NDFIP1: variants seen among roughly 807,000 people sequenced by gnomAD.
The protein encoded by NDFIP1 is NEDD4 family-interacting protein 1.
Under a neutral mutation model 28.8 loss-of-function variants are expected in NDFIP1, and 7 were observed. The observed-to-expected ratio is 0.24, with a 90% CI of 0.14 to 0.46. The LOEUF (loss-of-function observed/expected upper bound fraction) is 0.46, where lower values mean the gene tolerates loss of function less well. Among genes scored for constraint, NDFIP1 ranks in the 20% least tolerant of loss-of-function variants. The pLI, the probability that NDFIP1 is intolerant of heterozygous loss-of-function variation, is 0.99. For missense variants in NDFIP1, 194 were observed against 269.1 expected, an observed-to-expected ratio of 0.72 and a Z score of 1.95; for synonymous variants, 92 against 101.0, an observed-to-expected ratio of 0.91 and a Z score of 0.53.
intron 3 of NDFIP1, among the ~76,000 whole-genome samples, 160 bp downstream of exon 3, chr5:142,132,502 C>T (rs1024196327): frequency 2.6e-5 from 4 of 152,158 alleles, no homozygotes; most frequent in African/African-American, 2.4e-5. Context: ...AAACTCATCT[C>T]TTCTTAAAAA....
Position 142,139,503 on chromosome 5 carries a change from A to T in NDFIP1, c.496-1060A>T, listed in dbSNP as rs115995230. Among the ~76,000 whole-genome samples, 331 of 152,314 alleles carry T rather than the reference A, an allele frequency of 2.2e-3. 1 individual carries two copies. The highest frequency in any genetic ancestry group is 7.7e-3 in the African/African-American group (319 of 41,572). On this transcript the variant is annotated intron_variant, in intron 5 of 7. Transcript: ENST00000253814. ...TCACGTATCAGTATTACATTGAAAC[A>T]CGACAGTGCTCAAGAGAAGAAAAAG...
intron 1 of NDFIP1, 82 bp downstream of exon 1, chr5:142,109,119 G>T (rs1756984351): frequency 1.1e-5 from 13 of 1,184,472 alleles, no homozygotes; most frequent in Middle Eastern, 3.1e-4. Context: ...TCTCTGGCCG[G>T]CCCGCGGCCA....
chr5:142,126,777 T>C (rs1289325260), intron 1 of NDFIP1, among the ~76,000 whole-genome samples: 1 of 152,146 alleles, frequency 6.6e-6, no homozygotes, highest in African/African-American at 2.4e-5. Flanking sequence ...TAGAACTGCT[T>C]AGTGAGGAGG....
intron 4 of NDFIP1, 79 bp downstream of exon 4, chr5:142,135,896 A>G (rs1757270435): frequency 3.0e-6 from 3 of 1,001,196 alleles, no homozygotes; most frequent in Non-Finnish European, 3.1e-6. Context: ...CTGAATTAAA[A>G]TAACTAGTTG....
chr5:142,110,501 G>A (rs1354971634), intron 1 of NDFIP1, among the ~76,000 whole-genome samples: 3 of 152,084 alleles, frequency 2.0e-5, no homozygotes, highest in African/African-American at 7.2e-5. Flanking sequence ...GAGCTATTAG[G>A]TAATGCTGAC....
chr5:142,117,987 G>A (rs1265665245), intron 1 of NDFIP1, among the ~76,000 whole-genome samples: 2 of 151,718 alleles, frequency 1.3e-5, no homozygotes, highest in African/African-American at 2.4e-5. Flanking sequence ...TTCCCCCACT[G>A]ACCTCCCAAG....
intron 5 of NDFIP1, among the ~76,000 whole-genome samples, chr5:142,139,288 A>C (rs971256919): frequency 6.6e-6 from 1 of 152,194 alleles, no homozygotes; most frequent in African/African-American, 2.4e-5. Context: ...GAGTAACAAA[A>C]ACCTAGCTCA....
At chr5:142,125,318 C>T (rs1432445957) in intron 1 of NDFIP1, among the ~76,000 whole-genome samples, 3 of 152,112 alleles carry the variant, frequency 2.0e-5, no homozygotes, top group Admixed American at 2.0e-4. Flanking sequence ...TTTCAGTTCT[C>T]TTGGGTATAT....
At chr5:142,116,280 T>C (rs962044133) in intron 1 of NDFIP1, among the ~76,000 whole-genome samples, 1 of 152,208 alleles carries the variant, frequency 6.6e-6, no homozygotes, top group African/African-American at 2.4e-5. Flanking sequence ...TGAAATATTT[T>C]CTTATTAATG....
intron 1 of NDFIP1, among the ~76,000 whole-genome samples, chr5:142,110,326 AC>A (rs1185039675): frequency 6.6e-6 from 1 of 152,154 alleles, no homozygotes; most frequent in Non-Finnish European, 1.5e-5. Flanking sequence ...CGGGTTCCTT[AC>A]TGCTTTAATA....
intron 6 of NDFIP1, among the ~76,000 whole-genome samples, chr5:142,142,748 T>C (rs1757344069): frequency 6.6e-6 from 1 of 151,658 alleles, no homozygotes; most frequent in African/African-American, 2.4e-5. Context: ...GCCACCGTGG[T>C]GAAACCCCGT....
rs1270543423 is a variant in NDFIP1 at position 142,152,646 on chromosome 5, A to G, written c.*918A>G. ...ACATACTGTACTACTTGCTTTTACA[A>G]TGTGTTAGCAGAAACCAGTGGGTTA... On this transcript the variant is annotated 3_prime_UTR_variant, in exon 8 of 8. Coordinates refer to ENST00000253814, the MANE Select transcript of NDFIP1 (RefSeq NM_030571.4). The G allele has an allele frequency of 1.3e-5, 2 of 153,934 alleles. No homozygotes were observed. Among genetic ancestry groups the G allele is most frequent in the Admixed American group, 6.5e-5 (1 of 15,418 alleles). The allele number at this position is 153,934 out of a possible 1,614,324, so 9.5% of individuals were successfully genotyped here.
intron 7 of NDFIP1, among the ~76,000 whole-genome samples, 189 bp from the exon 8 acceptor site, chr5:142,151,542 T>G (rs1757447149): frequency 6.6e-6 from 1 of 152,224 alleles, no homozygotes; most frequent in African/African-American, 2.4e-5. Flanking sequence ...TCTAGAGGCC[T>G]TGATAACTTT....
chr5:142,131,924 A>G, intron 2 of NDFIP1, 29 bp downstream of exon 2: 1 of 1,537,950 alleles, frequency 6.5e-7, no homozygotes, highest in Non-Finnish European at 8.7e-7. Flanking sequence ...TGATCACGGA[A>G]TCCTTAAAAA....
chr5:142,113,373 C>T (rs1757034564), intron 1 of NDFIP1, among the ~76,000 whole-genome samples: 1 of 152,124 alleles, frequency 6.6e-6, no homozygotes, highest in Non-Finnish European at 1.5e-5. Flanking sequence ...ATGAATAGTG[C>T]TTATGTGGCT....
At chr5:142,151,224 A>G (rs1353101563) in intron 7 of NDFIP1, among the ~76,000 whole-genome samples, 5 of 152,166 alleles carry the variant, frequency 3.3e-5, no homozygotes, top group Non-Finnish European at 5.9e-5. Context: ...CTGTGAGTTT[A>G]TCCTTGTTTT....
At chr5:142,122,062 A>G (rs115193209) in intron 1 of NDFIP1, among the ~76,000 whole-genome samples, 3,233 of 152,352 alleles carry the variant, frequency 0.021, 52 homozygotes, top group Non-Finnish European at 0.033. Flanking sequence ...TGATTTATGT[A>G]TAAAAACATG....
chr5:142,134,668 A>G (rs758274410), intron 3 of NDFIP1, among the ~76,000 whole-genome samples: 2 of 152,188 alleles, frequency 1.3e-5, no homozygotes, highest in Non-Finnish European at 2.9e-5. Flanking sequence ...GTACAAATCT[A>G]TCACTTTTAA....
Position 142,109,003 on chromosome 5 carries a change from C to T in NDFIP1, c.29C>T (p.Ala10Val). The T allele has an allele frequency of 6.9e-7, 1 of 1,441,360 alleles. No individual in the cohort carries two copies. Among genetic ancestry groups the T allele is most frequent in the Admixed American group, 2.6e-5 (1 of 38,568 alleles). 89.3% of individuals were successfully genotyped at this position (1,441,360 alleles called of 1,614,324 possible). A position where few individuals can be genotyped will look rare whatever the true frequency, so the allele number is the denominator to read the frequency against. MALALAALA[A>V]VEPACGSRYQ... ...GCGTTGGCGTTGGCGGCGCTGGCGG[C>T]GGTCGAGCCGGCCTGCGGCAGCCGG... Residue 10 changes from alanine to valine, a missense_variant, in exon 1 of 8, where the codon GCG (alanine) becomes GTG (valine). Coordinates refer to ENST00000253814, the MANE Select transcript of NDFIP1 (RefSeq NM_030571.4).
Sources: allele counts gnomAD v4.1 joint callset (sites outside exome capture counted in the v4.1 genomes callset), GRCh38; gene constraint gnomAD v4.1.1; transcripts MANE v1.5; gene names NCBI Gene and HGNC (gene_info 2026-07-23, HGNC 2026-07-21).